The following NDST3 variants were observed in gnomAD, a reference collection of about 807,000 sequenced individuals.
NDST3 encodes N-deacetylase and N-sulfotransferase 3.
In NDST3, 58 loss-of-function variants were observed where a neutral mutation model predicts 96.1. The observed-to-expected ratio is 0.60, with a 90% confidence interval of 0.49 to 0.75. NDST3 has a LOEUF of 0.75. NDST3 is among the 30% of genes least tolerant of loss of function. The pLI is 0.00. For synonymous variants in NDST3, 333 were observed against 359.7 expected (o/e 0.93, Z 0.84); for missense variants, 788 against 1,034.2 (o/e 0.76, Z 3.27).
intron 6 of NDST3, among the ~76,000 whole-genome samples, chr4:118,171,444 C>T (rs977737371): frequency 6.6e-6 from 1 of 152,182 alleles, no homozygotes; most frequent in African/African-American, 2.4e-5. Flanking sequence ...ATTGCTGAGG[C>T]ATTTCCTATC....
At chr4:118,123,856 A>G (rs1731817021) in intron 4 of NDST3, among the ~76,000 whole-genome samples, 1 of 152,104 alleles carries the variant, frequency 6.6e-6, no homozygotes, top group African/African-American at 2.4e-5. Context: ...TCTCCCCCAA[A>G]TATTTCTTTT....
chr4:118,091,572 T>C (rs541743700), intron 2 of NDST3, among the ~76,000 whole-genome samples: 14 of 151,806 alleles, frequency 9.2e-5, no homozygotes, highest in Middle Eastern at 3.4e-3. Flanking sequence ...ATGAGTAATG[T>C]GATGCATCCT....
chr4:118,185,858 T>A (rs1736918498), intron 6 of NDST3, among the ~76,000 whole-genome samples: 1 of 152,176 alleles, frequency 6.6e-6, no homozygotes, highest in Non-Finnish European at 1.5e-5. Context: ...AGAGAACCCT[T>A]TAGGCTGCAC....
Position 118,128,095 on chromosome 4 carries a change from A to G in NDST3, c.1225-9959A>G, listed in dbSNP as rs111619319. On this transcript the variant is annotated intron_variant, in intron 4 of 13. Coordinates refer to ENST00000296499, the MANE Select transcript of NDST3 (RefSeq NM_004784.3). ...CTAATAGTTTTTTGGTGGAGTCTTT[A>G]GGTTTTTCCAAATATAAGATTATAT... 6.7e-3 allele frequency among the ~76,000 whole-genome samples: 1,019 copies of G among 152,152 alleles called. 8 individuals are homozygous for G. Among genetic ancestry groups the G allele is most frequent in the African/African-American group, 0.023 (970 of 41,546 alleles).
chr4:118,255,450 C>A, intron 13 of NDST3, 143 bp from the exon 14 acceptor site: 1 of 845,578 alleles, frequency 1.2e-6, no homozygotes, highest in Non-Finnish European at 1.7e-6. Context: ...AATATCATAG[C>A]ATGTGCTAAA....
intron 6 of NDST3, among the ~76,000 whole-genome samples, chr4:118,171,522 G>A (rs1326902184): frequency 6.7e-6 from 1 of 148,514 alleles, no homozygotes; most frequent in Non-Finnish European, 1.5e-5. Context: ...TTGTCTGGTT[G>A]CTTAGGCTAA....
chr4:118,053,820 G>C lies in NDST3; in HGVS notation c.-91G>C. On this transcript the variant is annotated 5_prime_UTR_variant, in exon 2 of 14. An upstream open reading frame in the 5' UTR loses its in-frame stop. Transcript: ENST00000296499. Reference sequence around the variant, plus strand: ...AGCTGCAATGGTGACATAAACTCTTGACAGAGATTGGAAAAGTAGCTGGAA... The same window carrying C: ...AGCTGCAATGGTGACATAAACTCTTCACAGAGATTGGAAAAGTAGCTGGAA... 1.4e-6 allele frequency: 2 copies of C among 1,402,290 alleles called. No individual in the cohort carries two copies. The highest frequency in any genetic ancestry group is 1.9e-6 in the Non-Finnish European group (2 of 1,040,870). 86.9% of individuals were successfully genotyped at this position (1,402,290 alleles called of 1,614,324 possible).
intron 3 of NDST3, among the ~76,000 whole-genome samples, chr4:118,107,478 A>G (rs1730292548): frequency 6.6e-6 from 1 of 152,184 alleles, no homozygotes; most frequent in Non-Finnish European, 1.5e-5. Context: ...TATAAACCAT[A>G]TAGAAAAAGC....
At chr4:118,226,475 C>T (rs1739888247) in intron 7 of NDST3, among the ~76,000 whole-genome samples, 1 of 152,118 alleles carries the variant, frequency 6.6e-6, no homozygotes, top group Admixed American at 6.6e-5. Flanking sequence ...AGCTGGAAAG[C>T]TCAAAGTTAC....
chr4:118,186,599 A>G (rs1578784934), intron 6 of NDST3, among the ~76,000 whole-genome samples: 1 of 152,160 alleles, frequency 6.6e-6, no homozygotes, highest in African/African-American at 2.4e-5. Context: ...AGCTGATTAG[A>G]TTGTGCCCAC....
intron 1 of NDST3, among the ~76,000 whole-genome samples, chr4:118,053,134 A>C (rs1274109940): frequency 2.0e-5 from 3 of 151,942 alleles, no homozygotes; most frequent in Non-Finnish European, 4.4e-5. Context: ...TTACCACATG[A>C]CTGTTTTGAT....
At chr4:118,144,003 AT>A (rs111242608) in intron 6 of NDST3, among the ~76,000 whole-genome samples, 1 of 151,030 alleles carries the variant, frequency 6.6e-6, no homozygotes, top group African/African-American at 2.4e-5. Flanking sequence ...ACGGGGAACC[AT>A]TTTTTTTTCC....
intron 6 of NDST3, among the ~76,000 whole-genome samples, chr4:118,209,173 T>C (rs1738628116): frequency 6.6e-6 from 1 of 152,228 alleles, no homozygotes; most frequent in Non-Finnish European, 1.5e-5. Flanking sequence ...AGCAAAATGC[T>C]TCCTGCTGGA....
At chr4:118,188,678 G>A (rs1737122033) in intron 6 of NDST3, among the ~76,000 whole-genome samples, 1 of 152,112 alleles carries the variant, frequency 6.6e-6, no homozygotes, top group Admixed American at 6.6e-5. Context: ...TTAAAAACCA[G>A]TCAGTTTCTC....
chr4:118,227,607 C>CTTTTTTTTT (rs67330081), intron 8 of NDST3, among the ~76,000 whole-genome samples: 1 of 106,130 alleles, frequency 9.4e-6, no homozygotes, highest in African/African-American at 3.4e-5. Flanking sequence ...TCACCATAAA[C>CTTTTTTTTT]TTTTTTTTTT....
intron 6 of NDST3, 109 bp downstream of exon 6, chr4:118,143,793 T>C: frequency 8.1e-7 from 1 of 1,232,536 alleles, no homozygotes. Context: ...CAATATGAAG[T>C]TCTAGCTCTG....
At chr4:118,094,592 C>T (rs554334767) in intron 2 of NDST3, among the ~76,000 whole-genome samples, 14 of 151,920 alleles carry the variant, frequency 9.2e-5, no homozygotes, top group East Asian at 3.9e-4. Context: ...CCTTTAGTTA[C>T]CCTATACAAA....
chr4:118,240,743 T>A, intron 11 of NDST3, 49 bp downstream of exon 11: 17 of 1,522,442 alleles, frequency 1.1e-5, no homozygotes, highest in Non-Finnish European at 1.3e-5. Context: ...ATTAAGTTGA[T>A]GACTTTGCCT....
intron 4 of NDST3, among the ~76,000 whole-genome samples, chr4:118,137,574 A>G (rs1338875698): frequency 2.0e-5 from 3 of 152,248 alleles, no homozygotes; most frequent in Non-Finnish European, 4.4e-5. Flanking sequence ...AAAGGACAAC[A>G]GAAATGTGGA....
Sources: gnomAD v4.1 joint callset for allele counts (sites outside exome capture counted in the v4.1 genomes callset) on GRCh38, gnomAD v4.1.1 for gene constraint, MANE v1.5 for transcripts, NCBI Gene and HGNC (gene_info 2026-07-23, HGNC 2026-07-21) for gene names.